LAMA2: variants seen among roughly 807,000 people sequenced by gnomAD.
The protein encoded by LAMA2 is laminin subunit alpha 2.
Under a neutral mutation model 364.8 loss-of-function variants are expected in LAMA2, and 269 were observed. The ratio of observed to expected loss-of-function variants is 0.74; its 90% CI spans 0.67 to 0.82. LAMA2 has a LOEUF of 0.82. Ranked by LOEUF, LAMA2 falls within the 40% of genes least tolerant of loss-of-function variation. LAMA2 has a pLI of 0.00. For synonymous variants in LAMA2, 1,379 were observed against 1,370.6 expected (o/e 1.01, Z -0.14); for missense variants, 3,807 against 3,873.2 (o/e 0.98, Z 0.45).
intron 12 of LAMA2, among the ~76,000 whole-genome samples, chr6:129,248,203 T>C (rs1785907889): frequency 6.6e-6 from 1 of 152,194 alleles, no homozygotes; most frequent in Non-Finnish European, 1.5e-5. Flanking sequence ...GATGATCTGA[T>C]GTGGAACAGT....
intron 15 of LAMA2, among the ~76,000 whole-genome samples, chr6:129,264,041 G>A (rs1787320860): frequency 6.6e-6 from 1 of 152,126 alleles, no homozygotes; most frequent in Non-Finnish European, 1.5e-5. Context: ...AACGCACCCA[G>A]CCTGAGTTAC....
At chr6:129,089,605 T>G (rs1362091592) in intron 3 of LAMA2, among the ~76,000 whole-genome samples, 5 of 152,212 alleles carry the variant, frequency 3.3e-5, no homozygotes. Context: ...TGCCAATGAC[T>G]TATTCACAGG....
At chr6:129,033,385 A>T (rs1786377403) in intron 1 of LAMA2, among the ~76,000 whole-genome samples, 1 of 152,302 alleles carries the variant, frequency 6.6e-6, no homozygotes, top group East Asian at 1.9e-4. Flanking sequence ...GGGAGGGCCC[A>T]TGGGGAACAG....
intron 1 of LAMA2, among the ~76,000 whole-genome samples, chr6:128,931,683 A>G (rs1169583152): frequency 6.6e-6 from 1 of 152,192 alleles, no homozygotes; most frequent in Non-Finnish European, 1.5e-5. Context: ...ATAGTCTTTC[A>G]AATAATCTTA....
intron 12 of LAMA2, among the ~76,000 whole-genome samples, chr6:129,195,924 T>TTGCC (rs1286298526): frequency 5.1e-4 from 78 of 152,320 alleles, no homozygotes; most frequent in African/African-American, 1.8e-3. Context: ...GCCCTAGTGG[T>TTGCC]CTGAAATAGT....
chr6:129,152,296 T>C (rs1268660083), intron 7 of LAMA2, among the ~76,000 whole-genome samples: 4 of 152,200 alleles, frequency 2.6e-5, no homozygotes, highest in Non-Finnish European at 5.9e-5. Flanking sequence ...GTCCAGGAAT[T>C]GTATTCAAGG....
At chr6:129,157,437 A>T in intron 8 of LAMA2, 1 of 1,489,314 alleles carries the variant, frequency 6.7e-7, no homozygotes, top group South Asian at 1.1e-5. Flanking sequence ...AACCAAGTTA[A>T]CATCCTTATT....
intron 1 of LAMA2, among the ~76,000 whole-genome samples, chr6:128,966,437 T>C (rs1007520850): frequency 4.6e-5 from 7 of 152,062 alleles, no homozygotes; most frequent in African/African-American, 1.7e-4. Context: ...CTGTTGCTCT[T>C]GGTTTATACG....
intron 34 of LAMA2, among the ~76,000 whole-genome samples, chr6:129,380,431 C>A (rs1285930230): frequency 6.6e-6 from 1 of 152,004 alleles, no homozygotes; most frequent in Non-Finnish European, 1.5e-5. Flanking sequence ...CAAAACAGAC[C>A]AAGTTCTCAC....
At chr6:129,148,935 C>T (rs746955248) in intron 6 of LAMA2, 44 bp from the exon 7 acceptor site, 3 of 1,282,978 alleles carry the variant, frequency 2.3e-6, no homozygotes, top group East Asian at 4.6e-5. Context: ...CTTTATGGTT[C>T]TAAATGAGGC....
intron 1 of LAMA2, among the ~76,000 whole-genome samples, chr6:129,035,389 T>C (rs1786563968): frequency 1.3e-5 from 2 of 151,714 alleles, no homozygotes. Context: ...TTAAGTTTCT[T>C]ATAGTTTCTG....
At chr6:129,289,633 A>G (rs528619000) in intron 19 of LAMA2, among the ~76,000 whole-genome samples, 1 of 151,956 alleles carries the variant, frequency 6.6e-6, no homozygotes, top group African/African-American at 2.4e-5. Context: ...TTATTGTGGG[A>G]TTATTTTATT....
chr6:129,047,166 A>C (rs1562186045), intron 1 of LAMA2, among the ~76,000 whole-genome samples: 1 of 152,212 alleles, frequency 6.6e-6, no homozygotes, highest in Admixed American at 6.5e-5. Context: ...GGAAGTTTTC[A>C]CTAAGGCTTA....
At chr6:129,172,663 G>A (rs535615666) in intron 9 of LAMA2, among the ~76,000 whole-genome samples, 122 of 152,346 alleles carry the variant, frequency 8.0e-4, no homozygotes, top group African/African-American at 2.8e-3. Context: ...GGAGCCTACA[G>A]AGGCAGGCAG....
chr6:128,886,228 G>A (rs184803933), intron 1 of LAMA2, among the ~76,000 whole-genome samples: 247 of 152,092 alleles, frequency 1.6e-3, no homozygotes, highest in Non-Finnish European at 1.8e-3. Context: ...AAATTTTAAA[G>A]GTCTCTATAG....
chr6:129,303,317 T>C (rs1446861284), intron 22 of LAMA2, among the ~76,000 whole-genome samples: 1 of 152,192 alleles, frequency 6.6e-6, no homozygotes, highest in African/African-American at 2.4e-5. Flanking sequence ...CTAAACTTAT[T>C]AGTTCTAGTT....
At chr6:129,204,392 T>C (rs1350186655) in intron 12 of LAMA2, among the ~76,000 whole-genome samples, 1 of 151,810 alleles carries the variant, frequency 6.6e-6, no homozygotes, top group Non-Finnish European at 1.5e-5. Flanking sequence ...ATGTTATAAC[T>C]AGTCAGTATT....
chr6:129,095,055 T>C (rs189457259), intron 3 of LAMA2, among the ~76,000 whole-genome samples: 6 of 152,354 alleles, frequency 3.9e-5, no homozygotes, highest in Admixed American at 3.3e-4. Context: ...ATGTAATAAA[T>C]ATCAAATGCC....
intron 31 of LAMA2, among the ~76,000 whole-genome samples, chr6:129,351,825 A>G (rs1776868658): frequency 6.6e-6 from 1 of 152,202 alleles, no homozygotes; most frequent in Non-Finnish European, 1.5e-5. Flanking sequence ...CTTAAATGCT[A>G]CTTTCAGTAT....
Sources: allele counts gnomAD v4.1 joint callset (sites outside exome capture counted in the v4.1 genomes callset), GRCh38; gene constraint gnomAD v4.1.1; transcripts MANE v1.5; gene names NCBI Gene and HGNC (gene_info 2026-07-23, HGNC 2026-07-21).